MYO1B: variants seen among roughly 807,000 people sequenced by gnomAD.
MYO1B encodes unconventional myosin-Ib.
Under a neutral mutation model 159.7 loss-of-function variants are expected in MYO1B, and 72 were observed. The observed-to-expected ratio is 0.45, with a 90% CI of 0.37 to 0.55. MYO1B has a LOEUF of 0.55. MYO1B is among the 20% of genes least tolerant of loss of function. The pLI is 0.00. For missense variants in MYO1B, 1,062 were observed against 1,364.8 expected (o/e 0.78, Z 3.50); for synonymous variants, 468 against 473.8 (o/e 0.99, Z 0.16).
At chr2:191,305,807 T>C (rs1465718369) in intron 3 of MYO1B, among the ~76,000 whole-genome samples, 1 of 151,984 alleles carries the variant, frequency 6.6e-6, no homozygotes, top group Non-Finnish European at 1.5e-5. Flanking sequence ...CCCTGGGAAA[T>C]GGGGTACAGC....
chr2:191,408,267 G>A, intron 25 of MYO1B, 78 bp downstream of exon 25: 1 of 1,007,306 alleles, frequency 9.9e-7, no homozygotes, highest in Non-Finnish European at 1.5e-6. Context: ...CATAAAATGT[G>A]CCTTTTCCTA....
intron 19 of MYO1B, among the ~76,000 whole-genome samples, chr2:191,392,514 T>C (rs934056891): frequency 3.3e-5 from 5 of 152,192 alleles, no homozygotes; most frequent in Non-Finnish European, 2.9e-5. Context: ...GTATTTGTAA[T>C]ACCTGAATTA....
rs557319481 is a variant in MYO1B, at chr2:191,254,692, G to C, written c.-10+9066G>C. On this transcript the variant is annotated intron_variant, in intron 1 of 30. Coordinates refer to ENST00000392318, the MANE Select transcript of MYO1B (RefSeq NM_001130158.3). ...AACTAATTTTTAAATTTTTTGTAGA[G>C]GTGATGTCTCATTGGTCCCAGGCTC... 7.2e-5 allele frequency among the ~76,000 whole-genome samples: 11 copies of C among 152,090 alleles called. No individual in the cohort carries two copies. In the South Asian group the frequency reaches 8.3e-4, roughly 11 times the overall value.
chr2:191,293,361 C>G (rs1688793562), intron 2 of MYO1B, among the ~76,000 whole-genome samples: 1 of 152,130 alleles, frequency 6.6e-6, no homozygotes, highest in Non-Finnish European at 1.5e-5. Flanking sequence ...GGTAATGTTA[C>G]CGGAAAGGAG....
chr2:191,260,253 G>GTTTTTTTTTTTTTTTTTTTTTTTT (rs1256549425), intron 1 of MYO1B, among the ~76,000 whole-genome samples: 18 of 22,654 alleles, frequency 7.9e-4, no homozygotes, highest in East Asian at 0.029. Flanking sequence ...TCCCAGATAG[G>GTTTTTTTTTTTTTTTTTTTTTTTT]CTTTTTTTTT....
intron 17 of MYO1B, chr2:191,387,753 TAAA>T (rs1490503816): frequency 5.2e-6 from 2 of 385,582 alleles, no homozygotes; most frequent in Non-Finnish European, 4.7e-6. Context: ...AATGGCAAGT[TAAA>T]AAACAAAATG....
chr2:191,418,225 T>A (rs1697698005), intron 30 of MYO1B, among the ~76,000 whole-genome samples: 1 of 152,156 alleles, frequency 6.6e-6, no homozygotes, highest in African/African-American at 2.4e-5. Context: ...TTAGGGAGCA[T>A]TTTGAATTTA....
chr2:191,408,015 C>A, intron 24 of MYO1B, 100 bp from the exon 25 acceptor site: 2 of 704,752 alleles, frequency 2.8e-6, no homozygotes, highest in Non-Finnish European at 2.4e-6. Flanking sequence ...CACTTATAAA[C>A]TGACTTGTTT....
At chr2:191,336,759 A>T (rs1209630993) in intron 4 of MYO1B, among the ~76,000 whole-genome samples, 1 of 152,170 alleles carries the variant, frequency 6.6e-6, no homozygotes, top group Admixed American at 6.5e-5. Context: ...TGTTGAACAC[A>T]AACATGGCCT....
At chr2:191,342,565 G>T (rs1467413505) in intron 5 of MYO1B, among the ~76,000 whole-genome samples, 1 of 152,194 alleles carries the variant, frequency 6.6e-6, no homozygotes, top group Non-Finnish European at 1.5e-5. Flanking sequence ...ACTGCTTTAT[G>T]GCTGGGCACA....
intron 2 of MYO1B, among the ~76,000 whole-genome samples, chr2:191,286,420 A>G (rs572970336): frequency 7.6e-4 from 116 of 152,268 alleles, no homozygotes; most frequent in African/African-American, 2.6e-3. Context: ...ACACCGTGGC[A>G]TATGACATCT....
chr2:191,358,373 T>C (rs1693436781), intron 7 of MYO1B, among the ~76,000 whole-genome samples: 1 of 152,256 alleles, frequency 6.6e-6, no homozygotes, highest in African/African-American at 2.4e-5. Flanking sequence ...CCTAGTATCA[T>C]GTTTCACATT....
chr2:191,327,386 A>G (rs1691169876), intron 3 of MYO1B, among the ~76,000 whole-genome samples: 1 of 152,240 alleles, frequency 6.6e-6, no homozygotes. Flanking sequence ...TAACACACAA[A>G]GATTTTCTGA....
intron 3 of MYO1B, among the ~76,000 whole-genome samples, chr2:191,299,434 A>G (rs1441242060): frequency 1.3e-5 from 2 of 152,054 alleles, no homozygotes; most frequent in African/African-American, 4.8e-5. Flanking sequence ...CCCTCACCAC[A>G]TTCCCTCTCA....
In MYO1B at chr2:191,341,620, T is replaced by C. The variant is rs1479235489; in HGVS notation, c.451+55T>C. ...GTGACTCAAACAGTAGATTGAGTTA[T>C]GTGGGTGCTTTGAGTACCTGGTCTG... On this transcript the variant is annotated intron_variant, in intron 5 of 30. Transcript: ENST00000392318. 5 of 1,419,180 alleles carry C rather than the reference T, an allele frequency of 3.5e-6. No homozygotes were observed. In the East Asian group the frequency reaches 6.9e-5, roughly 20 times the overall value. The allele number at this position is 1,419,180 out of a possible 1,614,324, so 87.9% of individuals were successfully genotyped here.
At chr2:191,316,074 G>A (rs374444012) in intron 3 of MYO1B, among the ~76,000 whole-genome samples, 1 of 152,180 alleles carries the variant, frequency 6.6e-6, no homozygotes, top group African/African-American at 2.4e-5. Flanking sequence ...GTGCCTTGTA[G>A]TTCTGTGAAA....
intron 3 of MYO1B, among the ~76,000 whole-genome samples, chr2:191,318,069 T>G (rs1690466297): frequency 6.6e-6 from 1 of 152,216 alleles, no homozygotes; most frequent in Admixed American, 6.5e-5. Context: ...TGGTGAGTCT[T>G]AATTCCCACT....
In MYO1B at chr2:191,383,315, T is replaced by C. The variant is rs750977395; in HGVS notation, c.1326T>C (p.Asn442=). The C allele has an allele frequency of 2.9e-5, 46 of 1,586,118 alleles. No individual in the cohort carries two copies. In the South Asian group the frequency reaches 5.1e-4, roughly 18 times the overall value. Residue 442 remains asparagine, a synonymous_variant, in exon 15 of 31, where the codon AAT becomes AAC. Transcript: ENST00000392318. ...GGACTCACATTGACTACTTCAATAA[T>C]GCTATCATTTGTGACCTAATAGAAA... ...IEWTHIDYFN[N]AIICDLIENN...
At chr2:191,396,141 T>C (rs114037463) in intron 20 of MYO1B, among the ~76,000 whole-genome samples, 1 of 152,288 alleles carries the variant, frequency 6.6e-6, no homozygotes, top group African/African-American at 2.4e-5. Flanking sequence ...GTATCTGCCT[T>C]GTGTGGAACC....
Sources: allele counts gnomAD v4.1 joint callset (sites outside exome capture counted in the v4.1 genomes callset), GRCh38; gene constraint gnomAD v4.1.1; transcripts MANE v1.5; gene names NCBI Gene and HGNC (gene_info 2026-07-23, HGNC 2026-07-21).